FPR2: variants seen among roughly 807,000 people sequenced by gnomAD.
FPR2 encodes N-formyl peptide receptor 2.
In FPR2, 3 loss-of-function variants were observed where a neutral mutation model predicts 4.0. The observed-to-expected ratio is 0.74, with a 90% CI of 0.34 to 1.92. FPR2 has a LOEUF of 1.92. Among genes scored for constraint, FPR2 ranks in the 30% most tolerant of loss-of-function variants. FPR2 has a pLI of 0.07. For missense variants in FPR2, 372 were observed against 435.7 expected, an observed-to-expected ratio of 0.85 and a Z score of 1.30; for synonymous variants, 179 against 171.5, an observed-to-expected ratio of 1.04 and a Z score of -0.34.
At position 51,769,229 on chromosome 19, in the gene FPR2, C is replaced by CT; in HGVS notation, c.572dup (p.Lys192GlufsTer20). 1.2e-6 allele frequency: 2 copies of CT among 1,614,202 alleles called. No individual in the cohort carries two copies. The highest frequency in any genetic ancestry group is 1.7e-6 in the Non-Finnish European group (2 of 1,180,050). ...CTGGGGTGGCACCCCTGAGGAGAGG[C>CT]TGAAGGTGGCCATTACCATGCTGAC... On this transcript the variant is annotated frameshift_variant, in exon 2 of 2. Coordinates refer to ENST00000340023, the MANE Select transcript of FPR2 (RefSeq NM_001005738.2). LOFTEE classifies it low-confidence loss of function (END_TRUNC). The surrounding 1 kb of genome is among the most constrained non-coding windows in gnomAD (Gnocchi z 4.4).
In FPR2 at chr19:51,766,274, G is replaced by A. The variant is rs561430110; in HGVS notation, c.-14-2371G>A. Among the ~76,000 whole-genome samples, 6 of 152,266 alleles carry A rather than the reference G, an allele frequency of 3.9e-5. No individual in the cohort carries two copies. In the East Asian group the frequency reaches 7.7e-4, roughly 20 times the overall value. On this transcript the variant is annotated intron_variant, in intron 1 of 1. Coordinates refer to ENST00000340023, the MANE Select transcript of FPR2 (RefSeq NM_001005738.2). Reference sequence around the variant, plus strand: ...CTCAATTGGGGGTGACTTTGCCTCCGAGGGGACCTTTGACAATGTTTATGG... The same window carrying A: ...CTCAATTGGGGGTGACTTTGCCTCCAAGGGGACCTTTGACAATGTTTATGG...
At chr19:51,761,299 T>G (rs2083836965) in intron 1 of FPR2, 69 bp downstream of exon 1, 1 of 152,234 alleles carries the variant, frequency 6.6e-6, no homozygotes, top group Non-Finnish European at 1.5e-5. Context: ...ACCTCCTAAA[T>G]TCTAGAGCAG....
intron 1 of FPR2, among the ~76,000 whole-genome samples, chr19:51,766,019 A>G (rs1299930185): frequency 6.6e-6 from 1 of 152,182 alleles, no homozygotes; most frequent in African/African-American, 2.4e-5. Context: ...TCCCGGGTTC[A>G]AGCGATTCTC....
At chr19:51,767,268 G>A (rs949239527) in intron 1 of FPR2, among the ~76,000 whole-genome samples, 12 of 152,146 alleles carry the variant, frequency 7.9e-5, no homozygotes, top group African/African-American at 2.4e-4. Flanking sequence ...CACAGACCAC[G>A]GCATAAGAAA....
At chr19:51,767,170 G>A (rs2083872824) in intron 1 of FPR2, among the ~76,000 whole-genome samples, 1 of 151,548 alleles carries the variant, frequency 6.6e-6, no homozygotes, top group Admixed American at 6.6e-5. Flanking sequence ...ATGAGAACAT[G>A]TGGTATTTGG....
In FPR2 at chr19:51,769,064, C is replaced by G. The variant is rs576326023; in HGVS notation, c.406C>G (p.His136Asp). The change falls in exon 2 of 2, where the codon CAC becomes GAC. Residue 136 changes from histidine (H) to aspartate (D), a missense_variant. Transcript: ENST00000340023. This position sits in a 1 kb window ranked among gnomAD's most constrained non-coding sequence, Gnocchi z 4.4. ...CCTGCATCCAGTCTGGGCCCAGAAC[C>G]ACCGCACTGTGAGTCTGGCCATGAA... is the stretch of plus-strand genomic sequence containing the variant. ...CVLHPVWAQN[H>D]RTVSLAMKVI... The G allele has an allele frequency of 1.2e-6, 2 of 1,614,086 alleles. No individual in the cohort carries two copies. Among genetic ancestry groups the G allele is most frequent in the Non-Finnish European group, 1.7e-6 (2 of 1,180,048 alleles).
chr19:51,767,704 C>T (rs1278322044), intron 1 of FPR2, among the ~76,000 whole-genome samples: 3 of 152,136 alleles, frequency 2.0e-5, no homozygotes, highest in African/African-American at 7.2e-5. Context: ...AACTGAAGTC[C>T]TGAATCTATT....
Position 51,769,394 on chromosome 19 carries a change from G to GTGGTGGC in FPR2, c.738_744dup (p.Ser249GlyfsTer35). ...CCGTCCCTTACGGGTCCTCACTGCT[G>GTGGTGGC]TGGTGGCTTCTTTCTTCATCTGTTG... On this transcript the variant is annotated frameshift_variant, in exon 2 of 2. Transcript: ENST00000340023. LOFTEE classifies it low-confidence loss of function (END_TRUNC). This position sits in a 1 kb window ranked among gnomAD's most constrained non-coding sequence, Gnocchi z 4.4. The GTGGTGGC allele has an allele frequency of 6.2e-7, 1 of 1,614,236 alleles. No individual in the cohort carries two copies. Among genetic ancestry groups the GTGGTGGC allele is most frequent in the East Asian group, 2.2e-5 (1 of 44,880 alleles).
intron 1 of FPR2, 88 bp from the exon 2 acceptor site, chr19:51,768,557 G>A (rs2083880104): frequency 9.5e-7 from 1 of 1,048,836 alleles, no homozygotes; most frequent in African/African-American, 1.6e-5. Flanking sequence ...AGGAGTGGGA[G>A]CTTTAGTGGA....
At position 51,770,099 on chromosome 19, in the gene FPR2, C is replaced by G. The variant is rs566342250; in HGVS notation, c.*385C>G. The G allele has an allele frequency of 5.5e-6, 1 of 181,420 alleles. No homozygotes were observed. Among genetic ancestry groups the G allele is most frequent in the East Asian group, 1.7e-4 (1 of 5,796 alleles). The allele number at this position is 181,420 out of a possible 1,614,324, so 11.2% of individuals were successfully genotyped here. A position where few individuals can be genotyped will look rare whatever the true frequency, so the allele number is the denominator to read the frequency against. ...AAAATCAGATTATGGAAGTTTTCTT[C>G]TATTTTTAGTTTGCTAAGAGTTTTC... On this transcript the variant is annotated 3_prime_UTR_variant, in exon 2 of 2. Transcript: ENST00000340023.
chr19:51,767,096 C>T (rs748837494), intron 1 of FPR2, among the ~76,000 whole-genome samples: 4 of 152,162 alleles, frequency 2.6e-5, no homozygotes, highest in Non-Finnish European at 4.4e-5. Context: ...CTCCACCTTC[C>T]GGTAGGCCCC....
Position 51,769,450 on chromosome 19 carries a change from C to T in FPR2, c.792C>T (p.Gly264=). Residue 264 remains glycine (G), a synonymous_variant, in exon 2 of 2, where the codon GGC becomes GGT. Coordinates refer to ENST00000340023, the MANE Select transcript of FPR2 (RefSeq NM_001005738.2). This position sits in a 1 kb window ranked among gnomAD's most constrained non-coding sequence, Gnocchi z 4.4. ...WFPFQLVALL[G]TVWLKEMLFY... ...CCTTTCAACTGGTTGCCCTTCTGGG[C>T]ACCGTCTGGCTCAAAGAGATGTTGT... 3 of 1,614,222 alleles carry T rather than the reference C, an allele frequency of 1.9e-6. No homozygotes were observed. Among genetic ancestry groups the T allele is most frequent in the Non-Finnish European group, 2.5e-6 (3 of 1,180,046 alleles).
Position 51,768,933 on chromosome 19 carries a change from C to T in FPR2, c.275C>T (p.Pro92Leu), listed in dbSNP as rs1336959824. 2 of 1,614,156 alleles carry T rather than the reference C, an allele frequency of 1.2e-6. No homozygotes were observed. The highest frequency in any genetic ancestry group is 3.3e-5 in the Admixed American group (2 of 60,020). Residue 92 changes from proline to leucine, a missense_variant, in exon 2 of 2, where the codon CCT becomes CTT. Coordinates refer to ENST00000340023, the MANE Select transcript of FPR2 (RefSeq NM_001005738.2). ...IVSMAMGEKW[P>L]FGWFLCKLIH... is the part of the protein sequence containing the mutation. ...TCCATGGCCATGGGAGAAAAATGGC[C>T]TTTTGGCTGGTTCCTGTGTAAGTTA...
At chr19:51,764,750 G>A (rs1267169222) in intron 1 of FPR2, among the ~76,000 whole-genome samples, 3 of 152,152 alleles carry the variant, frequency 2.0e-5, no homozygotes, top group African/African-American at 7.2e-5. Flanking sequence ...CAACTAGGGT[G>A]GACCCAAAAC....
At chr19:51,764,917 C>G (rs1243341352) in intron 1 of FPR2, among the ~76,000 whole-genome samples, 1 of 152,132 alleles carries the variant, frequency 6.6e-6, no homozygotes, top group Non-Finnish European at 1.5e-5. Flanking sequence ...ACCTCTGCCT[C>G]CCAGACTCAA....
intron 1 of FPR2, chr19:51,768,248 T>TCGG: frequency 5.9e-6 from 1 of 170,536 alleles, no homozygotes; most frequent in Non-Finnish European, 1.3e-5. Flanking sequence ...ATTGCAGAGC[T>TCGG]TGCCAGCATG....
intron 1 of FPR2, chr19:51,762,670 G>C (rs957315019): frequency 2.6e-5 from 4 of 152,438 alleles, no homozygotes; most frequent in African/African-American, 9.6e-5. Flanking sequence ...GGGATTACAG[G>C]TGTGAGCCAC....
chr19:51,769,014 T>C lies in FPR2; in HGVS notation c.356T>C (p.Ile119Thr), dbSNP rs1322947944. The C allele has an allele frequency of 6.2e-7, 1 of 1,614,104 alleles. No individual in the cohort carries two copies. Among genetic ancestry groups the C allele is most frequent in the Non-Finnish European group, 8.5e-7 (1 of 1,180,038 alleles). ...GGAAGTGTCTTCTTGATTGGTTTCA[T>C]TGCACTGGACCGCTGCATTTGTGTC... ...LFGSVFLIGF[I>T]ALDRCICVLH... Residue 119 changes from isoleucine to threonine, a missense_variant, in exon 2 of 2, where the codon ATT (isoleucine) becomes ACT (threonine). Transcript: ENST00000340023. This position sits in a 1 kb window ranked among gnomAD's most constrained non-coding sequence, Gnocchi z 4.4.
At chr19:51,764,003 C>T (rs1000822672) in intron 1 of FPR2, among the ~76,000 whole-genome samples, 1 of 152,220 alleles carries the variant, frequency 6.6e-6, no homozygotes, top group African/African-American at 2.4e-5. Flanking sequence ...AAGTGATCCA[C>T]TTGCCTCAGC....
Sources: gnomAD v4.1 joint callset for allele counts (sites outside exome capture counted in the v4.1 genomes callset) on GRCh38, gnomAD v4.1.1 for gene constraint, Gnocchi (gnomAD v3.1) non-coding constraint, MANE v1.5 for transcripts, NCBI Gene and HGNC (gene_info 2026-07-23, HGNC 2026-07-21) for gene names.